Variants in UVRAG observed in about 807,000 individuals in gnomAD.
UVRAG encodes UV radiation resistance-associated gene protein.
A neutral mutation model predicts 78.0 loss-of-function variants in UVRAG; 19 were observed. The ratio of observed to expected loss-of-function variants is 0.24; its 90% CI spans 0.17 to 0.36. The LOEUF is 0.36. Ranked by LOEUF, UVRAG falls within the 10% of genes least tolerant of loss-of-function variation. The pLI, the probability that UVRAG is intolerant of heterozygous loss-of-function variation, is 1.00. For synonymous variants in UVRAG, 323 were observed against 324.6 expected (o/e 1.00, Z 0.05); for missense variants, 740 against 853.8 (o/e 0.87, Z 1.66).
At chr11:76,049,528 G>T (rs1410948245) in intron 12 of UVRAG, among the ~76,000 whole-genome samples, 1 of 152,144 alleles carries the variant, frequency 6.6e-6, no homozygotes, top group African/African-American at 2.4e-5. Context: ...TAGAAATCTT[G>T]TATGAAATGA....
intron 3 of UVRAG, among the ~76,000 whole-genome samples, chr11:75,876,013 C>G (rs1484008704): frequency 6.7e-6 from 1 of 150,178 alleles, no homozygotes; most frequent in Admixed American, 6.6e-5. Context: ...GTCTCTACCC[C>G]AAAAAGAAAA....
chr11:75,905,585 T>C (rs1011549529), intron 5 of UVRAG, among the ~76,000 whole-genome samples: 2 of 152,234 alleles, frequency 1.3e-5, no homozygotes, highest in Non-Finnish European at 2.9e-5. Flanking sequence ...AGTGTAATGT[T>C]TTGGTGTTGC....
chr11:76,072,057 T>C (rs112318713), intron 13 of UVRAG, among the ~76,000 whole-genome samples: 1 of 151,838 alleles, frequency 6.6e-6, no homozygotes, highest in East Asian at 1.9e-4. Context: ...GGTATTTAAA[T>C]CCAGAGAACT....
rs1210842878 is a variant in UVRAG at position 76,141,242 on chromosome 11, C to T, written c.1929C>T (p.Phe643=). 1.2e-5 allele frequency: 20 copies of T among 1,614,160 alleles called. No individual in the cohort carries two copies. The highest frequency in any genetic ancestry group is 3.3e-4 in the Middle Eastern group (2 of 6,062). The part of the protein sequence containing the change: ...EEIIGLEATG[F]ASGDQLEAFN... Reference sequence around the variant, plus strand: ...TCATCGGGCTGGAAGCCACAGGTTTCGCCTCAGGTGATCAGCTAGAAGCAT... The same window carrying T: ...TCATCGGGCTGGAAGCCACAGGTTTTGCCTCAGGTGATCAGCTAGAAGCAT... The change falls in exon 15 of 15, where the codon TTC becomes TTT. Residue 643 remains phenylalanine, a synonymous_variant. Transcript: ENST00000356136.
At chr11:76,137,939 AAG>A (rs1181482336) in intron 14 of UVRAG, among the ~76,000 whole-genome samples, 1 of 152,158 alleles carries the variant, frequency 6.6e-6, no homozygotes, top group Non-Finnish European at 1.5e-5. Flanking sequence ...AAAAAATAAA[AAG>A]AGAGAGAACC....
intron 6 of UVRAG, among the ~76,000 whole-genome samples, chr11:75,953,006 T>C (rs1277928531): frequency 6.6e-6 from 1 of 152,208 alleles, no homozygotes; most frequent in Non-Finnish European, 1.5e-5. Flanking sequence ...ACAATTTGAC[T>C]ATTTCATTTA....
At chr11:76,033,659 C>A (rs574951956) in intron 12 of UVRAG, among the ~76,000 whole-genome samples, 1 of 152,070 alleles carries the variant, frequency 6.6e-6, no homozygotes, top group South Asian at 2.1e-4. Context: ...AAGGAGCAAT[C>A]AACCTAATAA....
At chr11:76,018,516 C>A (rs1950186619) in intron 12 of UVRAG, among the ~76,000 whole-genome samples, 1 of 152,034 alleles carries the variant, frequency 6.6e-6, no homozygotes, top group South Asian at 2.1e-4. Flanking sequence ...TTCAACAATT[C>A]TCCTGCCTCA....
intron 13 of UVRAG, among the ~76,000 whole-genome samples, chr11:76,106,532 A>AT (rs1238541502): frequency 6.6e-6 from 1 of 151,158 alleles, no homozygotes; most frequent in Non-Finnish European, 1.5e-5. Flanking sequence ...TGCCCGGCTA[A>AT]TTTTTTTGTA....
intron 8 of UVRAG, among the ~76,000 whole-genome samples, chr11:75,995,031 T>G (rs1949678760): frequency 6.6e-6 from 1 of 152,200 alleles, no homozygotes. Flanking sequence ...TCAAGATTTC[T>G]TTCAGCTCTA....
intron 7 of UVRAG, among the ~76,000 whole-genome samples, chr11:75,972,261 C>A (rs2135240899): frequency 6.6e-6 from 1 of 152,020 alleles, no homozygotes; most frequent in East Asian, 1.9e-4. Flanking sequence ...ATGGATCTTG[C>A]TTTTGGTGTT....
chr11:76,036,746 C>A (rs534460028), intron 12 of UVRAG, among the ~76,000 whole-genome samples: 43 of 147,670 alleles, frequency 2.9e-4, no homozygotes, highest in Non-Finnish European at 5.7e-4. Flanking sequence ...AAAAAAAAAA[C>A]ACAGACAATA....
intron 12 of UVRAG, among the ~76,000 whole-genome samples, chr11:76,042,359 A>C (rs1950663444): frequency 6.6e-6 from 1 of 152,220 alleles, no homozygotes; most frequent in Admixed American, 6.5e-5. Flanking sequence ...AAAGTATAAA[A>C]AGCAGTAAAC....
intron 3 of UVRAG, chr11:75,878,377 C>G (rs1451036208): frequency 6.1e-6 from 1 of 162,952 alleles, no homozygotes; most frequent in Non-Finnish European, 1.3e-5. Context: ...ACTTTCCAGA[C>G]TGGGCAGCCA....
At chr11:76,038,509 A>G (rs150351207) in intron 12 of UVRAG, among the ~76,000 whole-genome samples, 18 of 152,378 alleles carry the variant, frequency 1.2e-4, no homozygotes, top group Middle Eastern at 3.4e-3. Flanking sequence ...TTTGTAGGTT[A>G]TATTAAAATA....
chr11:76,055,191 G>T (rs1373270834), intron 12 of UVRAG, among the ~76,000 whole-genome samples: 2 of 152,070 alleles, frequency 1.3e-5, no homozygotes, highest in Admixed American at 1.3e-4. Flanking sequence ...GGGATTACAG[G>T]CATACACCAT....
At chr11:75,995,041 A>G (rs952480729) in intron 8 of UVRAG, among the ~76,000 whole-genome samples, 1 of 152,228 alleles carries the variant, frequency 6.6e-6, no homozygotes, top group East Asian at 1.9e-4. Context: ...TTTCAGCTCT[A>G]TTAAGATTTT....
intron 8 of UVRAG, among the ~76,000 whole-genome samples, chr11:75,998,541 C>A (rs1029093037): frequency 6.6e-6 from 1 of 152,124 alleles, no homozygotes; most frequent in Non-Finnish European, 1.5e-5. Flanking sequence ...TATACAAAGT[C>A]ATAACTTTTC....
intron 6 of UVRAG, among the ~76,000 whole-genome samples, chr11:75,940,769 C>T (rs1204642826): frequency 6.6e-6 from 1 of 152,040 alleles, no homozygotes; most frequent in African/African-American, 2.4e-5. Flanking sequence ...ATTTTTATCC[C>T]CATTTTGCAG....
Sources: allele counts gnomAD v4.1 joint callset (sites outside exome capture counted in the v4.1 genomes callset), GRCh38; gene constraint gnomAD v4.1.1; transcripts MANE v1.5; gene names NCBI Gene and HGNC (gene_info 2026-07-23, HGNC 2026-07-21).